The following CNTNAP2 variants were observed in gnomAD, a reference collection of about 807,000 sequenced individuals.
CNTNAP2 encodes contactin associated protein 2.
Under a neutral mutation model 155.2 loss-of-function variants are expected in CNTNAP2, and 98 were observed. The observed-to-expected ratio is 0.63, with a 90% CI of 0.54 to 0.75. The LOEUF is 0.75. Among genes scored for constraint, CNTNAP2 ranks in the 30% least tolerant of loss-of-function variants. The pLI is 0.00. For missense variants in CNTNAP2, 1,727 were observed against 1,688.1 expected, an observed-to-expected ratio of 1.02 and a Z score of -0.40; for synonymous variants, 651 against 631.2, an observed-to-expected ratio of 1.03 and a Z score of -0.47.
At chr7:146,940,696 T>TAC (rs112623198) in intron 3 of CNTNAP2, among the ~76,000 whole-genome samples, 12,361 of 148,942 alleles carry the variant, frequency 0.083, 769 homozygotes, top group African/African-American at 0.18. Context: ...TATATATATA[T>TAC]ACACACACAC....
intron 1 of CNTNAP2, among the ~76,000 whole-genome samples, chr7:146,709,269 G>A (rs1801020975): frequency 6.6e-6 from 1 of 152,142 alleles, no homozygotes; most frequent in Non-Finnish European, 1.5e-5. Context: ...TAGCAGAACT[G>A]GGTCGTGTTT....
intron 2 of CNTNAP2, among the ~76,000 whole-genome samples, chr7:146,801,880 C>T (rs1472636444): frequency 6.6e-6 from 1 of 151,930 alleles, no homozygotes; most frequent in Admixed American, 6.6e-5. Context: ...TTCTATGGTT[C>T]TAGAATAAAA....
intron 15 of CNTNAP2, among the ~76,000 whole-genome samples, chr7:148,022,391 C>T (rs565848564): frequency 1.3e-5 from 2 of 151,284 alleles, no homozygotes; most frequent in South Asian, 4.2e-4. Context: ...ATTGCTTGAA[C>T]CCGGGAGGCG....
chr7:146,160,738 A>C (rs955652680), intron 1 of CNTNAP2, among the ~76,000 whole-genome samples: 16 of 152,186 alleles, frequency 1.1e-4, no homozygotes, highest in Admixed American at 8.5e-4. Flanking sequence ...AAAGTCCAGG[A>C]CCAGATGGAT....
intron 1 of CNTNAP2, among the ~76,000 whole-genome samples, chr7:146,717,191 A>T (rs1801203790): frequency 6.6e-6 from 1 of 152,106 alleles, no homozygotes; most frequent in South Asian, 2.1e-4. Context: ...CCACCAAAAG[A>T]TGCAGAGAGC....
chr7:148,119,367 C>CA (rs10670510), intron 16 of CNTNAP2, among the ~76,000 whole-genome samples: 63,281 of 146,084 alleles, frequency 0.43, 14,510 homozygotes, highest in South Asian at 0.53. Context: ...ACTAAAAATA[C>CA]AAAAAAAAAA....
At chr7:147,402,093 C>T (rs182436635) in intron 10 of CNTNAP2, among the ~76,000 whole-genome samples, 8 of 152,364 alleles carry the variant, frequency 5.3e-5, no homozygotes, top group Non-Finnish European at 1.2e-4. Context: ...AAGATAAATA[C>T]TTGAACACAT....
intron 3 of CNTNAP2, among the ~76,000 whole-genome samples, chr7:146,973,908 T>C (rs61040793): frequency 0.011 from 1,609 of 152,316 alleles, 28 homozygotes; most frequent in African/African-American, 0.038. Context: ...TGAATATGAA[T>C]TGAGCTCAGG....
In CNTNAP2 at chr7:146,321,903, A is replaced by G. The variant is rs143925786; in HGVS notation, c.97+204930A>G. Among the ~76,000 whole-genome samples the G allele has an allele frequency of 8.8e-3, 1,341 of 152,234 alleles. 15 individuals are homozygous for G. The highest frequency in any genetic ancestry group is 0.023 in the South Asian group (113 of 4,826). The stretch of plus-strand genomic sequence containing the variant: ...TCCATTATTTCTTTTTTTCACAGCA[A>G]TTTTACATGAGATCTGAAATTCTTT... On this transcript the variant is annotated intron_variant, in intron 1 of 23. Transcript: ENST00000361727.
chr7:146,380,784 CTTTTTTTTTTTTTTTT>C (rs56886106), intron 1 of CNTNAP2, among the ~76,000 whole-genome samples: 15 of 38,818 alleles, frequency 3.9e-4, no homozygotes, highest in South Asian at 3.3e-3. Flanking sequence ...TATGCACGTT[CTTTTTTTTTTTTTTTT>C]TTTTTTTTTT....
intron 1 of CNTNAP2, among the ~76,000 whole-genome samples, chr7:146,525,127 G>C (rs1409997314): frequency 3.3e-5 from 5 of 151,876 alleles, no homozygotes. Context: ...GTTGATCATG[G>C]TTAGGTAGAT....
At chr7:146,936,428 C>G (rs1198997529) in intron 3 of CNTNAP2, among the ~76,000 whole-genome samples, 1 of 152,176 alleles carries the variant, frequency 6.6e-6, no homozygotes, top group Non-Finnish European at 1.5e-5. Context: ...ACCCACTGTT[C>G]TACTGTTTTC....
At chr7:146,398,443 G>A (rs1718081) in intron 1 of CNTNAP2, among the ~76,000 whole-genome samples, 25,602 of 151,740 alleles carry the variant, frequency 0.17, 3,628 homozygotes, top group African/African-American at 0.39. Flanking sequence ...TGCGAATAGC[G>A]TGGAGGAAAT....
intron 13 of CNTNAP2, among the ~76,000 whole-genome samples, chr7:147,836,035 T>G (rs1307099055): frequency 6.6e-6 from 1 of 152,158 alleles, no homozygotes; most frequent in Non-Finnish European, 1.5e-5. Flanking sequence ...GCCAATACAT[T>G]CTGTGGTTTT....
intron 4 of CNTNAP2, among the ~76,000 whole-genome samples, chr7:147,091,941 A>G (rs945637450): frequency 1.3e-5 from 2 of 152,044 alleles, no homozygotes; most frequent in African/African-American, 4.8e-5. Context: ...GGGTTTCACC[A>G]TGTCAGTCAG....
At chr7:146,188,926 G>A (rs1798661658) in intron 1 of CNTNAP2, among the ~76,000 whole-genome samples, 1 of 152,056 alleles carries the variant, frequency 6.6e-6, no homozygotes, top group Non-Finnish European at 1.5e-5. Context: ...AACCACCCAG[G>A]TAAAATTAAA....
chr7:147,219,883 C>CT (rs1803354885), intron 8 of CNTNAP2, among the ~76,000 whole-genome samples: 1 of 151,906 alleles, frequency 6.6e-6, no homozygotes, highest in African/African-American at 2.4e-5. Flanking sequence ...TCACGCCATG[C>CT]TTCTGCCTCA....
chr7:146,802,081 C>T (rs1802888497), intron 2 of CNTNAP2, among the ~76,000 whole-genome samples: 1 of 152,026 alleles, frequency 6.6e-6, no homozygotes, highest in African/African-American at 2.4e-5. Flanking sequence ...AAAAAATTAC[C>T]ATAAATTCAG....
At chr7:146,175,699 A>C (rs949380496) in intron 1 of CNTNAP2, among the ~76,000 whole-genome samples, 10 of 152,228 alleles carry the variant, frequency 6.6e-5, no homozygotes, top group Admixed American at 2.0e-4. Flanking sequence ...TATATGAATA[A>C]ATATATTCTT....
Sources: gnomAD v4.1 joint callset for allele counts (sites outside exome capture counted in the v4.1 genomes callset) on GRCh38, gnomAD v4.1.1 for gene constraint, MANE v1.5 for transcripts, NCBI Gene and HGNC (gene_info 2026-07-23, HGNC 2026-07-21) for gene names.